The following ERC2 variants were observed in gnomAD, a reference collection of about 807,000 sequenced individuals.
ERC2 encodes ERC protein 2.
Under a neutral mutation model 114.8 loss-of-function variants are expected in ERC2, and 42 were observed. The observed-to-expected ratio is 0.37, with a 90% CI of 0.29 to 0.47. The LOEUF (loss-of-function observed/expected upper bound fraction) is 0.47, where lower values mean the gene tolerates loss of function less well. Ranked by LOEUF, ERC2 falls within the 20% of genes least tolerant of loss-of-function variation. The pLI is 0.99. For synonymous variants in ERC2, 454 were observed against 425.5 expected (o/e 1.07, Z -0.82); for missense variants, 939 against 1,150.7 (o/e 0.82, Z 2.66).
At chr3:55,887,402 T>G (rs1180575162) in intron 14 of ERC2, among the ~76,000 whole-genome samples, 1 of 152,170 alleles carries the variant, frequency 6.6e-6, no homozygotes, top group African/African-American at 2.4e-5. Context: ...ATGCTAACCA[T>G]GTGTAAGGCT....
intron 3 of ERC2, among the ~76,000 whole-genome samples, chr3:56,237,339 G>A (rs558852700): frequency 6.6e-6 from 1 of 152,204 alleles, no homozygotes; most frequent in Middle Eastern, 3.4e-3. Flanking sequence ...TGGCCTAATA[G>A]TTGCTTATAC....
intron 12 of ERC2, among the ~76,000 whole-genome samples, chr3:55,960,530 G>T (rs936956972): frequency 6.6e-6 from 1 of 152,100 alleles, no homozygotes; most frequent in African/African-American, 2.4e-5. Flanking sequence ...ATCTCTGACA[G>T]CACCCCATGC....
At chr3:56,194,747 T>C (rs994495100) in intron 3 of ERC2, among the ~76,000 whole-genome samples, 2 of 152,196 alleles carry the variant, frequency 1.3e-5, no homozygotes, top group Non-Finnish European at 2.9e-5. Context: ...TATAATCTTA[T>C]GGGACCATTG....
chr3:56,374,134 T>C (rs778765679), intron 2 of ERC2, among the ~76,000 whole-genome samples: 1 of 152,224 alleles, frequency 6.6e-6, no homozygotes, highest in Non-Finnish European at 1.5e-5. Flanking sequence ...TCTCGCTCTG[T>C]CGCCGAGGCT....
chr3:56,360,652 A>G (rs2058922454), intron 2 of ERC2, among the ~76,000 whole-genome samples: 1 of 152,198 alleles, frequency 6.6e-6, no homozygotes, highest in African/African-American at 2.4e-5. Flanking sequence ...TCACGCCTGT[A>G]ATCCCAACAT....
chr3:55,691,573 A>AAAAAAAAAAATATATAT (rs1553631525), intron 16 of ERC2, among the ~76,000 whole-genome samples: 1 of 39,742 alleles, frequency 2.5e-5, no homozygotes, highest in Non-Finnish European at 4.6e-5. Flanking sequence ...AAAAAAAAAA[A>AAAAAAAAAAATATATAT]ATATATATAT....
intron 2 of ERC2, among the ~76,000 whole-genome samples, chr3:56,430,909 T>C (rs75021012): frequency 1.3e-5 from 2 of 152,202 alleles, no homozygotes; most frequent in Non-Finnish European, 2.9e-5. Flanking sequence ...AGCTCAGTGA[T>C]CTTTTAAGGA....
intron 8 of ERC2, among the ~76,000 whole-genome samples, chr3:56,016,823 C>T (rs535774304): frequency 6.6e-6 from 1 of 152,214 alleles, no homozygotes; most frequent in Admixed American, 6.5e-5. Flanking sequence ...TAATTAGTGG[C>T]TTAGGTGGGA....
chr3:55,976,491 C>T (rs1335172422), intron 12 of ERC2, among the ~76,000 whole-genome samples: 1 of 152,178 alleles, frequency 6.6e-6, no homozygotes, highest in African/African-American at 2.4e-5. Flanking sequence ...TTACAACTCA[C>T]ATTATTTCTT....
At chr3:55,768,612 T>C (rs1036809362) in intron 14 of ERC2, among the ~76,000 whole-genome samples, 1 of 152,114 alleles carries the variant, frequency 6.6e-6, no homozygotes, top group Non-Finnish European at 1.5e-5. Context: ...AACTGAGCCC[T>C]GAGGGATGGA....
intron 16 of ERC2, among the ~76,000 whole-genome samples, chr3:55,687,053 G>C (rs1392992329): frequency 6.6e-6 from 1 of 152,150 alleles, no homozygotes; most frequent in Non-Finnish European, 1.5e-5. Context: ...ACAGACAAGG[G>C]GGTCTTGATG....
chr3:56,235,108 G>C lies in ERC2; in HGVS notation c.1074+60911C>G, dbSNP rs142892807. ...ACTGCTTTCACAAAGAGCCTTCCCT[G>C]TCCAGAGTCCTTTGGTCTGTACAAC... On this transcript the variant is annotated intron_variant, in intron 3 of 17. Coordinates refer to ENST00000288221, the MANE Select transcript of ERC2 (RefSeq NM_015576.3). 2.4e-3 allele frequency among the ~76,000 whole-genome samples: 359 copies of C among 152,230 alleles called. 2 individuals carry two copies. The highest frequency in any genetic ancestry group is 8.3e-3 in the African/African-American group (345 of 41,540).
intron 2 of ERC2, among the ~76,000 whole-genome samples, chr3:56,325,734 T>C (rs2057333321): frequency 6.6e-6 from 1 of 152,174 alleles, no homozygotes; most frequent in Admixed American, 6.5e-5. Context: ...CTAGGATCTT[T>C]TATGCATTTT....
intron 17 of ERC2, among the ~76,000 whole-genome samples, chr3:55,679,573 C>T (rs756013805): frequency 4.5e-4 from 68 of 152,272 alleles, no homozygotes; most frequent in Admixed American, 1.7e-3. Context: ...TAGCATCTAA[C>T]TGAGAACTTA....
chr3:56,248,748 T>G (rs1234408283), intron 3 of ERC2, among the ~76,000 whole-genome samples: 3 of 152,210 alleles, frequency 2.0e-5, no homozygotes, highest in African/African-American at 7.2e-5. Context: ...TATAAACCCC[T>G]AAAATAATTT....
intron 12 of ERC2, among the ~76,000 whole-genome samples, chr3:55,958,199 C>G (rs2068098499): frequency 6.6e-6 from 1 of 152,152 alleles, no homozygotes; most frequent in Non-Finnish European, 1.5e-5. Flanking sequence ...CAGCAGGTAG[C>G]TCCTGGCTAC....
intron 4 of ERC2, among the ~76,000 whole-genome samples, chr3:56,169,738 T>C (rs2082531876): frequency 6.6e-6 from 1 of 151,948 alleles, no homozygotes; most frequent in Non-Finnish European, 1.5e-5. Context: ...CACTTAAAAT[T>C]TCTAGCTAAC....
intron 17 of ERC2, among the ~76,000 whole-genome samples, chr3:55,599,570 C>G (rs1317498080): frequency 6.6e-6 from 1 of 152,046 alleles, no homozygotes; most frequent in Admixed American, 6.6e-5. Context: ...GTCCTTAGTC[C>G]ACAGATAAGG....
rs117310978 is a variant in ERC2, at chr3:56,391,036, G to A, written c.657+43315C>T. On this transcript the variant is annotated intron_variant, in intron 2 of 17. Transcript: ENST00000288221. ...TTTAGTTTCTTCGTCAGTTTAATGGGAACAACAGCTCTTGCACTCATCTCA... is the reference window on the plus strand; with the variant it reads ...TTTAGTTTCTTCGTCAGTTTAATGGAAACAACAGCTCTTGCACTCATCTCA... 5.1e-4 allele frequency among the ~76,000 whole-genome samples: 78 copies of A among 152,284 alleles called. 1 individual carries two copies. The East Asian group carries it at 0.014, about 28-fold the overall frequency.
Sources: allele counts gnomAD v4.1 joint callset (sites outside exome capture counted in the v4.1 genomes callset), GRCh38; gene constraint gnomAD v4.1.1; transcripts MANE v1.5; gene names NCBI Gene and HGNC (gene_info 2026-07-23, HGNC 2026-07-21).